Variants in WDFY3 observed in about 807,000 individuals in gnomAD.
WDFY3 encodes WD repeat and FYVE domain containing 3.
In WDFY3, 66 loss-of-function variants were observed where a neutral mutation model predicts 409.6. The ratio of observed to expected loss-of-function variants is 0.16; its 90% confidence interval spans 0.13 to 0.20. WDFY3 has a LOEUF of 0.20. Among genes scored for constraint, WDFY3 ranks in the 10% least tolerant of loss-of-function variants. WDFY3 has a pLI of 1.00. For synonymous variants in WDFY3, 1,521 were observed against 1,537.1 expected (o/e 0.99, Z 0.25); for missense variants, 3,031 against 4,298.1 (o/e 0.71, Z 8.24).
intron 44 of WDFY3, among the ~76,000 whole-genome samples, chr4:84,729,705 G>A (rs1188065573): frequency 2.6e-5 from 4 of 151,178 alleles, no homozygotes. Context: ...AAAATCACCT[G>A]ATTTATTTCT....
intron 58 of WDFY3, 100 bp downstream of exon 58, chr4:84,695,870 A>AAT: frequency 8.8e-7 from 1 of 1,137,202 alleles, no homozygotes; most frequent in South Asian, 1.6e-5. Context: ...GCTCTTTATT[A>AAT]AGTTAATCTA....
chr4:84,740,605 C>G (rs1182008977), intron 38 of WDFY3, among the ~76,000 whole-genome samples, 189 bp from the exon 39 acceptor site: 1 of 151,966 alleles, frequency 6.6e-6, no homozygotes, highest in Non-Finnish European at 1.5e-5. Flanking sequence ...TCAATATCAT[C>G]TAATGAATGA....
intron 67 of WDFY3, among the ~76,000 whole-genome samples, chr4:84,674,778 G>T (rs2148708370): frequency 6.6e-6 from 1 of 151,232 alleles, no homozygotes; most frequent in Admixed American, 6.6e-5. Flanking sequence ...TGAGGTAGAA[G>T]AATCGCTTGA....
rs190883177 is a variant in WDFY3 at position 84,793,121 on chromosome 4, T to C, written c.3487+1398A>G. On this transcript the variant is annotated intron_variant, in intron 21 of 67. Coordinates refer to ENST00000295888, the MANE Select transcript of WDFY3 (RefSeq NM_014991.6). ...TTTCAAGTTGACTCAGGTTTCTAGTTGGGCTAACTGGCAGTGGTTGTGTCA... is the reference window on the plus strand; with the variant it reads ...TTTCAAGTTGACTCAGGTTTCTAGTCGGGCTAACTGGCAGTGGTTGTGTCA... Among the ~76,000 whole-genome samples the C allele has an allele frequency of 1.7e-3, 252 of 152,294 alleles. 1 individual carries two copies. Among genetic ancestry groups the C allele is most frequent in the Non-Finnish European group, 3.1e-3 (209 of 68,028 alleles).
chr4:84,692,910 C>T lies in WDFY3; in HGVS notation c.9024G>A (p.Leu3008=). 3 of 1,611,362 alleles carry T rather than the reference C, an allele frequency of 1.9e-6. No homozygotes were observed. The highest frequency in any genetic ancestry group is 2.5e-6 in the Non-Finnish European group (3 of 1,179,502). The change falls in exon 59 of 68, where the codon TTG becomes TTA. Residue 3008 remains leucine, a synonymous_variant. Transcript: ENST00000295888. ...DKIFFHHLDN[L]RPSLTPVKEL... ...CTTTTACAGGTGTTAGAGAAGGCCTCAAGTTGTCTAGATGATGAAAAAAGA... is the reference window on the plus strand; with the variant it reads ...CTTTTACAGGTGTTAGAGAAGGCCTTAAGTTGTCTAGATGATGAAAAAAGA...
intron 62 of WDFY3, among the ~76,000 whole-genome samples, chr4:84,684,905 C>T (rs993523872): frequency 1.3e-5 from 2 of 152,176 alleles, no homozygotes; most frequent in South Asian, 2.1e-4. Flanking sequence ...TCCTGTGTGC[C>T]AGTCACTGGG....
chr4:84,829,854 A>ATAAAT (rs1560868644), intron 8 of WDFY3, among the ~76,000 whole-genome samples: 2 of 79,280 alleles, frequency 2.5e-5, no homozygotes, highest in South Asian at 4.3e-4. Flanking sequence ...AATAAATTAG[A>ATAAAT]GAGACTATAG....
intron 6 of WDFY3, among the ~76,000 whole-genome samples, chr4:84,837,780 A>G (rs1756796655): frequency 6.6e-6 from 1 of 152,218 alleles, no homozygotes; most frequent in South Asian, 2.1e-4. Context: ...ACTGCACTAG[A>G]GATCAACAGA....
In WDFY3 at chr4:84,674,360, G is replaced by A. The variant is rs560003839; in HGVS notation, c.10458-1369C>T. 8.5e-5 allele frequency among the ~76,000 whole-genome samples: 13 copies of A among 152,114 alleles called. 1 individual carries two copies. The South Asian group carries it at 2.1e-3, about 24-fold the overall frequency. On this transcript the variant is annotated intron_variant, in intron 67 of 67. Coordinates refer to ENST00000295888, the MANE Select transcript of WDFY3 (RefSeq NM_014991.6). The stretch of plus-strand genomic sequence containing the variant: ...TGAGGCGGGGGTACTGCTTGAGCCC[G>A]CGGCTGTGAGACCAGCCTGGGGAAC...
At chr4:84,914,282 G>A (rs1028341040) in intron 2 of WDFY3, among the ~76,000 whole-genome samples, 5 of 151,980 alleles carry the variant, frequency 3.3e-5, no homozygotes, top group African/African-American at 9.7e-5. Context: ...TTAGCTGGGC[G>A]TGGTGGCAGG....
chr4:84,860,950 C>T (rs1387966981), intron 3 of WDFY3, among the ~76,000 whole-genome samples: 1 of 152,160 alleles, frequency 6.6e-6, no homozygotes, highest in Non-Finnish European at 1.5e-5. Flanking sequence ...GTGGTGCACA[C>T]CTGCAATCCC....
intron 1 of WDFY3, chr4:84,965,929 T>TGACCCC (rs918424363): frequency 6.6e-6 from 1 of 152,418 alleles, no homozygotes; most frequent in East Asian, 1.9e-4. Flanking sequence ...TCGCCGCCCG[T>TGACCCC]GACCCCGACC....
intron 1 of WDFY3, among the ~76,000 whole-genome samples, chr4:84,947,564 A>T (rs952045234): frequency 6.8e-6 from 1 of 147,814 alleles, no homozygotes; most frequent in Admixed American, 6.8e-5. Flanking sequence ...TAAATAAAAT[A>T]AAATAAAATA....
intron 36 of WDFY3, among the ~76,000 whole-genome samples, chr4:84,744,257 A>G (rs888114176): frequency 1.3e-5 from 2 of 151,728 alleles, no homozygotes; most frequent in Non-Finnish European, 2.9e-5. Context: ...AAATACAGGT[A>G]AAATAAATAA....
At chr4:84,836,261 T>C (rs1256921803) in intron 7 of WDFY3, among the ~76,000 whole-genome samples, 1 of 152,232 alleles carries the variant, frequency 6.6e-6, no homozygotes, top group Non-Finnish European at 1.5e-5. Context: ...GCAGTATTTG[T>C]CTTTTTGTGT....
intron 2 of WDFY3, among the ~76,000 whole-genome samples, chr4:84,914,187 C>T (rs561947114): frequency 1.9e-4 from 29 of 152,012 alleles, no homozygotes; most frequent in African/African-American, 6.0e-4. Flanking sequence ...TTTGGGAGGC[C>T]GAGGCGGGCG....
chr4:84,929,393 A>G (rs1218749050), intron 2 of WDFY3, among the ~76,000 whole-genome samples: 1 of 152,132 alleles, frequency 6.6e-6, no homozygotes, highest in Non-Finnish European at 1.5e-5. Flanking sequence ...CCGATCAACA[A>G]AAACAGATAA....
chr4:84,788,134 C>T (rs1044245885), intron 22 of WDFY3, among the ~76,000 whole-genome samples: 3 of 151,964 alleles, frequency 2.0e-5, no homozygotes, highest in Admixed American at 6.6e-5. Flanking sequence ...TGATGAAAAG[C>T]GTTTTATAGG....
chr4:84,900,350 C>T (rs1023151542), intron 2 of WDFY3, among the ~76,000 whole-genome samples: 11 of 152,020 alleles, frequency 7.2e-5, no homozygotes, highest in African/African-American at 2.4e-4. Flanking sequence ...CTTAGCCTCC[C>T]GAGTATCTGG....
Sources: allele counts gnomAD v4.1 joint callset (sites outside exome capture counted in the v4.1 genomes callset), GRCh38; gene constraint gnomAD v4.1.1; transcripts MANE v1.5; gene names NCBI Gene and HGNC (gene_info 2026-07-23, HGNC 2026-07-21).